Variants in FTO observed in about 807,000 individuals in gnomAD.
FTO encodes the protein alpha-ketoglutarate-dependent dioxygenase FTO.
A neutral mutation model predicts 63.9 loss-of-function variants in FTO; 47 were observed. The ratio of observed to expected loss-of-function variants is 0.74; its 90% CI spans 0.58 to 0.94. The LOEUF (loss-of-function observed/expected upper bound fraction) is 0.94, where lower values mean the gene tolerates loss of function less well. Among genes scored for constraint, FTO ranks in the 40% least tolerant of loss-of-function variants. The pLI is 0.00. For missense variants in FTO, 562 were observed against 618.1 expected, an observed-to-expected ratio of 0.91 and a Z score of 0.96; for synonymous variants, 207 against 224.4, an observed-to-expected ratio of 0.92 and a Z score of 0.69.
intron 4 of FTO, among the ~76,000 whole-genome samples, chr16:53,848,431 A>G (rs2079695845): frequency 6.6e-6 from 1 of 152,168 alleles, no homozygotes; most frequent in Non-Finnish European, 1.5e-5. Context: ...GAAGTGAGTG[A>G]AGGCCTTGTT....
chr16:53,983,595 C>T (rs542064112), intron 8 of FTO, among the ~76,000 whole-genome samples: 7 of 138,010 alleles, frequency 5.1e-5, no homozygotes, highest in South Asian at 2.3e-4. Context: ...GCAATTAATT[C>T]GAATTCACAA....
chr16:53,896,476 T>A (rs2081282180), intron 7 of FTO, among the ~76,000 whole-genome samples: 1 of 152,114 alleles, frequency 6.6e-6, no homozygotes, highest in South Asian at 2.1e-4. Flanking sequence ...ACCTACAGAT[T>A]TGAAAGGAAA....
chr16:53,783,610 A>T (rs1479891099), intron 1 of FTO, among the ~76,000 whole-genome samples: 1 of 149,544 alleles, frequency 6.7e-6, no homozygotes, highest in Non-Finnish European at 1.5e-5. Flanking sequence ...TCCATAAAAA[A>T]AAAAAAAAAA....
At chr16:53,810,349 A>C (rs573824091) in intron 2 of FTO, 132 bp downstream of exon 2, 205 of 695,056 alleles carry the variant, frequency 2.9e-4, no homozygotes, top group East Asian at 5.5e-4. Flanking sequence ...ATGACTTCTC[A>C]TGGCCTACAG....
Position 54,121,026 on chromosome 16 carries a change from A to G in FTO, c.*9111A>G, listed in dbSNP as rs2087001802. On this transcript the variant is annotated 3_prime_UTR_variant, in exon 9 of 9. Coordinates refer to ENST00000471389, the MANE Select transcript of FTO (RefSeq NM_001080432.3). ...CTGGAGTCAGCAAAGTATAGCCCACAGCCAAATCTGGCCCATCCCCTGTTC... is the reference window on the plus strand; with the variant it reads ...CTGGAGTCAGCAAAGTATAGCCCACGGCCAAATCTGGCCCATCCCCTGTTC... 1.3e-5 allele frequency: 2 copies of G among 152,598 alleles called. No individual in the cohort carries two copies. Among genetic ancestry groups the G allele is most frequent in the South Asian group, 4.1e-4 (2 of 4,830 alleles). The allele number at this position is 152,598 out of a possible 1,614,324, so 9.5% of individuals were successfully genotyped here.
At chr16:53,768,949 C>T (rs1012692156) in intron 1 of FTO, among the ~76,000 whole-genome samples, 2 of 152,124 alleles carry the variant, frequency 1.3e-5, no homozygotes, top group African/African-American at 4.8e-5. Context: ...TGAAGTTAAT[C>T]CTTGCTTCTT....
intron 1 of FTO, among the ~76,000 whole-genome samples, chr16:53,773,608 G>A (rs1598622830): frequency 6.6e-6 from 1 of 152,084 alleles, no homozygotes; most frequent in South Asian, 2.1e-4. Flanking sequence ...CTGTGTTTTT[G>A]TACGTGATGG....
intron 1 of FTO, among the ~76,000 whole-genome samples, chr16:53,706,488 C>A (rs2075623762): frequency 6.6e-6 from 1 of 152,172 alleles, no homozygotes; most frequent in African/African-American, 2.4e-5. Flanking sequence ...TCTGTAGATG[C>A]ATCTGTATTT....
At chr16:54,070,273 A>G (rs1259859996) in intron 8 of FTO, 1 of 152,056 alleles carries the variant, frequency 6.6e-6, no homozygotes, top group African/African-American at 2.4e-5. Flanking sequence ...TACATATAAG[A>G]TTTTCTAGGA....
intron 8 of FTO, among the ~76,000 whole-genome samples, chr16:54,096,343 C>A (rs1044602975): frequency 6.6e-6 from 1 of 152,194 alleles, no homozygotes; most frequent in African/African-American, 2.4e-5. Context: ...ACTATGACAT[C>A]TTTGGAGTTC....
At chr16:53,924,765 A>G (rs1055566298) in intron 7 of FTO, among the ~76,000 whole-genome samples, 5 of 152,172 alleles carry the variant, frequency 3.3e-5, no homozygotes, top group Middle Eastern at 6.3e-3. Flanking sequence ...CATTGTGTAA[A>G]CATTGGCACC....
chr16:53,984,335 T>C (rs1482162454), intron 8 of FTO, among the ~76,000 whole-genome samples: 4 of 134,818 alleles, frequency 3.0e-5, no homozygotes, highest in Admixed American at 1.5e-4. Context: ...TTTTTTTTTT[T>C]TTTTTTTTTT....
Position 53,960,754 on chromosome 16 carries a change from C to T in FTO, c.1364+26645C>T, listed in dbSNP as rs147085861. On this transcript the variant is annotated intron_variant, in intron 8 of 8. Transcript: ENST00000471389. ...GGTTACCTGAGATAAAACCAAAGGGCCCAATTGTGCTTGGTTTTGACCCCT... is the reference window on the plus strand; with the variant it reads ...GGTTACCTGAGATAAAACCAAAGGGTCCAATTGTGCTTGGTTTTGACCCCT... 9.1e-3 allele frequency among the ~76,000 whole-genome samples: 1,388 copies of T among 151,932 alleles called. 9 individuals carry two copies. Among genetic ancestry groups the T allele is most frequent in the Non-Finnish European group, 0.013 (910 of 68,004 alleles).
chr16:53,755,708 G>A (rs2151584793), intron 1 of FTO, among the ~76,000 whole-genome samples: 1 of 152,284 alleles, frequency 6.6e-6, no homozygotes, highest in South Asian at 2.1e-4. Context: ...AACGGGGTGT[G>A]GCCATGTGAC....
intron 1 of FTO, among the ~76,000 whole-genome samples, chr16:53,804,072 C>T (rs1598705335): frequency 6.6e-6 from 1 of 152,292 alleles, no homozygotes; most frequent in East Asian, 1.9e-4. Context: ...TGTTTATGTG[C>T]CAGACACTGT....
chr16:54,018,968 T>C (rs1453294335), intron 8 of FTO, among the ~76,000 whole-genome samples: 1 of 152,112 alleles, frequency 6.6e-6, no homozygotes, highest in Non-Finnish European at 1.5e-5. Flanking sequence ...AGTTCGGAAA[T>C]AGGACAGCTG....
At chr16:53,998,065 G>A (rs1043443583) in intron 8 of FTO, among the ~76,000 whole-genome samples, 5 of 152,098 alleles carry the variant, frequency 3.3e-5, no homozygotes, top group South Asian at 2.1e-4. Flanking sequence ...ACCATCTGCC[G>A]AACTGAGGCC....
intron 8 of FTO, among the ~76,000 whole-genome samples, chr16:53,951,084 T>A: frequency 6.6e-6 from 1 of 152,220 alleles, no homozygotes; most frequent in East Asian, 1.9e-4. Flanking sequence ...TTTTCGTAAG[T>A]AATTAATCTT....
chr16:53,911,447 AC>A lies in FTO; in HGVS notation c.1239+22498del, dbSNP rs1328016708. On this transcript the variant is annotated intron_variant, in intron 7 of 8. Coordinates refer to ENST00000471389, the MANE Select transcript of FTO (RefSeq NM_001080432.3). ...TGCAGGGAAGTTAAGAAGTGGCCAT[AC>A]CGTTGCATTCATCATGGGAAGAATT... The A allele has an allele frequency of 1.6e-5, 11 of 703,120 alleles. No individual in the cohort carries two copies. The African/African-American group carries it at 1.7e-4, about 11-fold the overall frequency. The allele number at this position is 703,120 out of a possible 1,614,324, so 43.6% of individuals were successfully genotyped here. A position where few individuals can be genotyped will look rare whatever the true frequency, so the allele number is the denominator to read the frequency against.
Sources: gnomAD v4.1 joint callset for allele counts (sites outside exome capture counted in the v4.1 genomes callset) on GRCh38, gnomAD v4.1.1 for gene constraint, MANE v1.5 for transcripts, NCBI Gene and HGNC (gene_info 2026-07-23, HGNC 2026-07-21) for gene names.